The following MTA3 variants were observed in gnomAD, a reference collection of about 807,000 sequenced individuals.
MTA3 encodes metastasis-associated protein MTA3.
A neutral mutation model predicts 83.5 loss-of-function variants in MTA3; 34 were observed. The ratio of observed to expected loss-of-function variants is 0.41; its 90% confidence interval spans 0.31 to 0.54. MTA3 has a LOEUF of 0.54. MTA3 is among the 20% of genes least tolerant of loss of function. The pLI is 0.33. For synonymous variants in MTA3, 303 were observed against 252.7 expected (o/e 1.20, Z -1.89); for missense variants, 761 against 726.4 (o/e 1.05, Z -0.55).
At chr2:42,577,105 A>AAAAAAAAAAATATAT (rs1211189566) in intron 2 of MTA3, among the ~76,000 whole-genome samples, 2 of 86,952 alleles carry the variant, frequency 2.3e-5, no homozygotes, top group African/African-American at 1.1e-4. Context: ...AAAAAAAAAA[A>AAAAAAAAAAATATAT]ATATATATAT....
At chr2:42,664,306 T>C (rs1008431602) in intron 8 of MTA3, among the ~76,000 whole-genome samples, 15 of 152,108 alleles carry the variant, frequency 9.9e-5, no homozygotes, top group Non-Finnish European at 1.6e-4. Context: ...AGTATGTTGA[T>C]AATGAGCTTT....
chr2:42,727,601 C>T (rs912141018), intron 16 of MTA3, among the ~76,000 whole-genome samples: 1 of 151,698 alleles, frequency 6.6e-6, no homozygotes, highest in African/African-American at 2.4e-5. Flanking sequence ...TTGTCTGTGC[C>T]ATGGGGGGAA....
At chr2:42,602,419 CATT>C (rs1682692782) in intron 3 of MTA3, among the ~76,000 whole-genome samples, 1 of 152,124 alleles carries the variant, frequency 6.6e-6, no homozygotes, top group South Asian at 2.1e-4. Flanking sequence ...CTAGGAGAAA[CATT>C]GTTGGTTCAT....
At chr2:42,740,606 C>T (rs762744554) in intron 16 of MTA3, among the ~76,000 whole-genome samples, 4 of 152,260 alleles carry the variant, frequency 2.6e-5, no homozygotes, top group Non-Finnish European at 5.9e-5. Flanking sequence ...CACATGAAAA[C>T]AGCATTCATC....
At chr2:42,508,924 GA>G (rs1386084785) in intron 2 of MTA3, among the ~76,000 whole-genome samples, 1 of 149,152 alleles carries the variant, frequency 6.7e-6, no homozygotes, top group Non-Finnish European at 1.5e-5. Flanking sequence ...TATGTTGGGG[GA>G]AAGGGGTTAT....
chr2:42,640,198 A>G lies in MTA3; in HGVS notation c.343A>G (p.Asn115Asp). ...IRGKCSVALL[N>D]ETESVLSYLD... ...GGGAAAGTGCAGTGTTGCCCTTCTG[A>G]ATGAGACAGAATCAGTATTGTCATA... is the stretch of plus-strand genomic sequence containing the variant. Residue 115 changes from asparagine to aspartate, a missense_variant, in exon 5 of 17, where the codon AAT (asparagine) becomes GAT (aspartate). Coordinates refer to ENST00000405094, the MANE Select transcript of MTA3 (RefSeq NM_001330442.2). The G allele has an allele frequency of 6.2e-7, 1 of 1,608,464 alleles. No individual in the cohort carries two copies. Among genetic ancestry groups the G allele is most frequent in the Non-Finnish European group, 8.5e-7 (1 of 1,178,080 alleles).
chr2:42,609,562 T>A lies in MTA3; in HGVS notation c.295T>A (p.Ser99Thr). 1.2e-6 allele frequency: 2 copies of A among 1,613,800 alleles called. No individual in the cohort carries two copies. The change falls in exon 4 of 17, where the codon TCT (serine) becomes ACT (threonine). Residue 99 changes from serine (S) to threonine (T), a missense_variant. Physicochemically the swap from Ser to Thr is moderately conservative, Grantham distance 58 (BLOSUM62 1). Transcript: ENST00000405094. ...ACTCTTTTTGTCACGCCAGTATGAA[T>A]CTCTGCCCGCAACACATATCAGGTA... is the stretch of plus-strand genomic sequence containing the variant. ...RELFLSRQYE[S>T]LPATHIRGKC...
Position 42,754,810 on chromosome 2 carries a change from A to G in MTA3, c.*1411A>G, listed in dbSNP as rs1670128438. ...AAGCACGAGGTAACTTGGTAAGGAT[A>G]ATGATGCTGTAGATGTCTGTGTCCT... On this transcript the variant is annotated 3_prime_UTR_variant, in exon 17 of 17. Transcript: ENST00000405094. The G allele has an allele frequency of 1.0e-6, 1 of 985,502 alleles. No individual in the cohort carries two copies. The highest frequency in any genetic ancestry group is 1.7e-5 in the African/African-American group (1 of 57,358). The allele number at this position is 985,502 out of a possible 1,614,324, so 61.0% of individuals were successfully genotyped here.
chr2:42,519,112 C>T (rs559242570), intron 2 of MTA3, among the ~76,000 whole-genome samples: 2 of 152,066 alleles, frequency 1.3e-5, no homozygotes, highest in South Asian at 4.2e-4. Flanking sequence ...ATCAAGGTCA[C>T]CATCACCAAT....
chr2:42,657,157 T>C (rs184414838), intron 7 of MTA3, among the ~76,000 whole-genome samples: 57 of 152,338 alleles, frequency 3.7e-4, no homozygotes, highest in Admixed American at 9.8e-4. Context: ...TGGCAAAATA[T>C]TACTATGAGT....
At chr2:42,713,154 C>T (rs1486325095) in intron 14 of MTA3, among the ~76,000 whole-genome samples, 1 of 152,146 alleles carries the variant, frequency 6.6e-6, no homozygotes, top group Non-Finnish European at 1.5e-5. Context: ...TGGTGGCTTG[C>T]AGAGAGAGTG....
At chr2:42,536,957 G>C (rs1676274723) in intron 2 of MTA3, among the ~76,000 whole-genome samples, 1 of 151,424 alleles carries the variant, frequency 6.6e-6, no homozygotes, top group Admixed American at 6.6e-5. Context: ...AAGGAAAAAA[G>C]GTTTTCTAAA....
At chr2:42,589,241 G>A (rs990982621) in intron 3 of MTA3, among the ~76,000 whole-genome samples, 18 of 152,092 alleles carry the variant, frequency 1.2e-4, no homozygotes, top group Admixed American at 3.9e-4. Flanking sequence ...ATACGTTTGT[G>A]TTTTAAATTT....
chr2:42,684,502 T>C (rs1692202763), intron 9 of MTA3, among the ~76,000 whole-genome samples: 1 of 152,192 alleles, frequency 6.6e-6, no homozygotes, highest in Middle Eastern at 3.2e-3. Context: ...CAGCTGAAAA[T>C]TTAAAGTGCA....
At chr2:42,599,374 C>G (rs903248322) in intron 3 of MTA3, among the ~76,000 whole-genome samples, 1 of 152,068 alleles carries the variant, frequency 6.6e-6, no homozygotes, top group Non-Finnish European at 1.5e-5. Flanking sequence ...GCGGGTGGAT[C>G]ACAAGGTCAG....
intron 16 of MTA3, among the ~76,000 whole-genome samples, chr2:42,743,606 C>A (rs1172176233): frequency 6.6e-6 from 1 of 152,164 alleles, no homozygotes; most frequent in Non-Finnish European, 1.5e-5. Flanking sequence ...TTATTTTCTG[C>A]ATTGAGTAAT....
chr2:42,579,858 G>GT, intron 3 of MTA3, among the ~76,000 whole-genome samples: 1 of 152,174 alleles, frequency 6.6e-6, no homozygotes, highest in East Asian at 1.9e-4. Flanking sequence ...CCTATTGGTG[G>GT]TTTTGTGAGG....
intron 4 of MTA3, among the ~76,000 whole-genome samples, chr2:42,627,459 GTCTTT>G (rs1184522355): frequency 6.6e-6 from 1 of 152,136 alleles, no homozygotes; most frequent in Non-Finnish European, 1.5e-5. Context: ...GCTCTTCTTA[GTCTTT>G]TCTTCTTAGT....
chr2:42,748,195 ATGTGTT>A (rs1182462619), intron 16 of MTA3, among the ~76,000 whole-genome samples: 90 of 57,588 alleles, frequency 1.6e-3, no homozygotes, highest in African/African-American at 6.0e-3. Context: ...CATCCAGCTA[ATGTGTT>A]TGTGTGTGTG....
Sources: gnomAD v4.1 joint callset for allele counts (sites outside exome capture counted in the v4.1 genomes callset) on GRCh38, gnomAD v4.1.1 for gene constraint, MANE v1.5 for transcripts, NCBI Gene and HGNC (gene_info 2026-07-23, HGNC 2026-07-21) for gene names.